Variants in GPR149 observed in about 807,000 individuals in gnomAD.
GPR149 encodes probable G protein-coupled receptor 149.
In GPR149, 50 loss-of-function variants were observed where a neutral mutation model predicts 50.2. The observed-to-expected ratio is 1.00, with a 90% CI of 0.79 to 1.26. The LOEUF is 1.26. GPR149 is among the 50% of genes most tolerant of loss of function. GPR149 has a pLI of 0.00. For synonymous variants in GPR149, 405 were observed against 358.2 expected (o/e 1.13, Z -1.48); for missense variants, 983 against 895.4 (o/e 1.10, Z -1.25).
chr3:154,363,606 C>T (rs570334106), intron 3 of GPR149, among the ~76,000 whole-genome samples: 1 of 152,118 alleles, frequency 6.6e-6, no homozygotes, highest in South Asian at 2.1e-4. Context: ...GGGACAAGTC[C>T]CCAGTGAAAT....
chr3:154,429,952 T>C lies in GPR149; in HGVS notation c.-337A>G, dbSNP rs902008251. Among the ~76,000 whole-genome samples, 4 of 152,054 alleles carry C rather than the reference T, an allele frequency of 2.6e-5. No homozygotes were observed. The South Asian group carries it at 8.3e-4, about 32-fold the overall frequency. On this transcript the variant is annotated 5_prime_UTR_variant, in exon 1 of 4. An upstream open reading frame in the 5' UTR loses its in-frame stop. Transcript: ENST00000389740. ...ACAAAACAAAACTCTTCAGGTACAT[T>C]AAAAACCAATGATGTCTGGATCCTT... is the stretch of plus-strand genomic sequence containing the variant.
At chr3:154,342,757 C>T (rs916596082) in intron 3 of GPR149, among the ~76,000 whole-genome samples, 37 of 140,178 alleles carry the variant, frequency 2.6e-4, no homozygotes, top group African/African-American at 7.7e-4. Flanking sequence ...TTTAGCTTTT[C>T]AGAATGCCCT....
intron 3 of GPR149, among the ~76,000 whole-genome samples, chr3:154,366,668 C>A (rs1714539787): frequency 6.6e-6 from 1 of 152,172 alleles, no homozygotes; most frequent in Non-Finnish European, 1.5e-5. Flanking sequence ...TCCTTTCAAC[C>A]AATTGCCAGT....
At position 154,352,911 on chromosome 3, in the gene GPR149, C is replaced by T. The variant is rs559033725; in HGVS notation, c.1624-14640G>A. ...TCCAGCTCTACCTGTGCATCCAGAG[C>T]GATGGATACGGGCCTCAACATCCTG... On this transcript the variant is annotated intron_variant, in intron 3 of 3. Coordinates refer to ENST00000389740, the MANE Select transcript of GPR149 (RefSeq NM_001038705.3). 530 of 876,360 alleles carry T rather than the reference C, an allele frequency of 6.0e-4. 6 individuals are homozygous for T. In the South Asian group the frequency reaches 6.2e-3, roughly 10 times the overall value. The allele number at this position is 876,360 out of a possible 1,614,324, so 54.3% of individuals were successfully genotyped here.
At chr3:154,414,196 A>G (rs188111928) in intron 3 of GPR149, among the ~76,000 whole-genome samples, 1 of 151,970 alleles carries the variant, frequency 6.6e-6, no homozygotes, top group Non-Finnish European at 1.5e-5. Flanking sequence ...AAGACTGCAC[A>G]TTGGGTACAG....
chr3:154,385,264 C>T (rs867620603), intron 3 of GPR149, among the ~76,000 whole-genome samples: 2 of 152,174 alleles, frequency 1.3e-5, no homozygotes, highest in Non-Finnish European at 2.9e-5. Context: ...TGGCTTTCAT[C>T]CCCAATCCCT....
At chr3:154,383,568 G>A (rs141039842) in intron 3 of GPR149, among the ~76,000 whole-genome samples, 1 of 152,216 alleles carries the variant, frequency 6.6e-6, no homozygotes, top group East Asian at 1.9e-4. Flanking sequence ...CTCTTTTCAA[G>A]TCATTTATGG....
At chr3:154,371,040 A>G (rs971211720) in intron 3 of GPR149, among the ~76,000 whole-genome samples, 3 of 152,184 alleles carry the variant, frequency 2.0e-5, no homozygotes. Context: ...AAAGGCAAAG[A>G]ATGCCCATCC....
At chr3:154,349,905 C>A (rs1714026608) in intron 3 of GPR149, among the ~76,000 whole-genome samples, 1 of 152,154 alleles carries the variant, frequency 6.6e-6, no homozygotes, top group Non-Finnish European at 1.5e-5. Context: ...AGCAGGGTTT[C>A]TTTCAGAAAT....
intron 3 of GPR149, among the ~76,000 whole-genome samples, chr3:154,372,777 A>T (rs181821147): frequency 9.1e-4 from 139 of 152,284 alleles, no homozygotes; most frequent in African/African-American, 3.1e-3. Flanking sequence ...CACTGCTTTG[A>T]TGTGAGTTGC....
Position 154,430,094 on chromosome 3 carries a change from T to C in GPR149, c.-479A>G, listed in dbSNP as rs1383453766. Among the ~76,000 whole-genome samples the C allele has an allele frequency of 1.3e-5, 2 of 150,916 alleles. No individual in the cohort carries two copies. The highest frequency in any genetic ancestry group is 2.0e-4 in the East Asian group (1 of 5,088). On this transcript the variant is annotated 5_prime_UTR_variant, in exon 1 of 4. Coordinates refer to ENST00000389740, the MANE Select transcript of GPR149 (RefSeq NM_001038705.3). ...CAGAGCTGGATTCAAAGGCAGGAGATTGTCAGGTAGGTTTCAGCTTTGAAG... is the reference window on the plus strand; with the variant it reads ...CAGAGCTGGATTCAAAGGCAGGAGACTGTCAGGTAGGTTTCAGCTTTGAAG...
At chr3:154,418,877 A>C (rs2108428048) in intron 3 of GPR149, among the ~76,000 whole-genome samples, 1 of 152,220 alleles carries the variant, frequency 6.6e-6, no homozygotes. Flanking sequence ...AACCTTTTTA[A>C]TTTAAAATTT....
At chr3:154,406,096 T>C (rs1267807810) in intron 3 of GPR149, among the ~76,000 whole-genome samples, 6 of 151,926 alleles carry the variant, frequency 3.9e-5, no homozygotes, top group African/African-American at 1.4e-4. Flanking sequence ...GAAATCTCTA[T>C]AAAAATTGGA....
chr3:154,388,754 C>A (rs1465673543), intron 3 of GPR149, among the ~76,000 whole-genome samples: 1 of 152,032 alleles, frequency 6.6e-6, no homozygotes, highest in Non-Finnish European at 1.5e-5. Flanking sequence ...GGAGGTTGAC[C>A]ATCCTAACAC....
In GPR149 at chr3:154,341,691, A is replaced by C. The variant is rs188303332; in HGVS notation, c.1624-3420T>G. On this transcript the variant is annotated intron_variant, in intron 3 of 3. Transcript: ENST00000389740. ...TTATTGATTTAATACAATATTAATAAAAGTTCCACTGAAATTTTATTTTGA... is the reference window on the plus strand; with the variant it reads ...TTATTGATTTAATACAATATTAATACAAGTTCCACTGAAATTTTATTTTGA... Among the ~76,000 whole-genome samples, 377 of 152,238 alleles carry C rather than the reference A, an allele frequency of 2.5e-3. 3 individuals carry two copies. Among genetic ancestry groups the C allele is most frequent in the African/African-American group, 8.7e-3 (363 of 41,566 alleles).
In GPR149 at chr3:154,341,292, CATATATAT is replaced by C. The variant is rs373212063; in HGVS notation, c.1624-3029_1624-3022del. 8.7e-3 allele frequency among the ~76,000 whole-genome samples: 630 copies of C among 72,832 alleles called. 11 individuals carry two copies. The highest frequency in any genetic ancestry group is 9.9e-3 in the Non-Finnish European group (391 of 39,692). 47.8% of individuals were successfully genotyped at this position (72,832 alleles called of 152,430 possible). A position where few individuals can be genotyped will look rare whatever the true frequency, so the allele number is the denominator to read the frequency against. ...GCAAAAAATCAAGAAAAAAATAAGACATATATATATATATATATATATATATATATATA... is the reference window on the plus strand; with the variant it reads ...GCAAAAAATCAAGAAAAAAATAAGACATATATATATATATATATATATATA... On this transcript the variant is annotated intron_variant, in intron 3 of 3. Transcript: ENST00000389740.
At position 154,427,702 on chromosome 3, in the gene GPR149, T is replaced by A; in HGVS notation, c.988A>T (p.Met330Leu). 6.2e-7 allele frequency: 1 copy of A among 1,611,198 alleles called. No individual in the cohort carries two copies. Among genetic ancestry groups the A allele is most frequent in the Non-Finnish European group, 8.5e-7 (1 of 1,178,688 alleles). ...VVLWLPMMMH[M>L]VVQNVVGFQS... Reference sequence around the variant, plus strand: ...AACCCCACGACGTTCTGGACCACCATGTGCATCTGCAAGGGCAAGAGAACT... The same window carrying A: ...AACCCCACGACGTTCTGGACCACCAAGTGCATCTGCAAGGGCAAGAGAACT... Residue 330 changes from methionine (M) to leucine (L), a missense_variant, in exon 2 of 4, where the codon ATG becomes TTG. Met to Leu is a conservative substitution (Grantham distance 15). Coordinates refer to ENST00000389740, the MANE Select transcript of GPR149 (RefSeq NM_001038705.3).
Position 154,337,581 on chromosome 3 carries a change from T to G in GPR149, c.*118A>C, listed in dbSNP as rs1713683666. On this transcript the variant is annotated 3_prime_UTR_variant, in exon 4 of 4. Transcript: ENST00000389740. ...TTGTTCCCACAAAAAAATTAACTAT[T>G]AAATCAGTAAAACTAATGTAAGCCA... is the stretch of plus-strand genomic sequence containing the variant. 9.7e-6 allele frequency: 8 copies of G among 825,214 alleles called. No individual in the cohort carries two copies. Among genetic ancestry groups the G allele is most frequent in the Non-Finnish European group, 1.5e-5 (8 of 538,760 alleles). The allele number at this position is 825,214 out of a possible 1,614,324, so 51.1% of individuals were successfully genotyped here.
chr3:154,423,849 A>AT, intron 2 of GPR149, among the ~76,000 whole-genome samples: 1 of 151,626 alleles, frequency 6.6e-6, no homozygotes, highest in Non-Finnish European at 1.5e-5. Flanking sequence ...TATTATTATT[A>AT]TTTTTTATTA....
Sources: gnomAD v4.1 joint callset for allele counts (sites outside exome capture counted in the v4.1 genomes callset) on GRCh38, gnomAD v4.1.1 for gene constraint, MANE v1.5 for transcripts, NCBI Gene and HGNC (gene_info 2026-07-23, HGNC 2026-07-21) for gene names.